FYB1: variants seen among roughly 807,000 people sequenced by gnomAD.
The protein encoded by FYB1 is FYN binding protein 1, also known as FYN-binding protein 1.
Under a neutral mutation model 94.1 loss-of-function variants are expected in FYB1, and 41 were observed. That is an observed-to-expected ratio of 0.44 (90% confidence interval 0.34 to 0.57). The LOEUF is 0.57. Among genes scored for constraint, FYB1 ranks in the 20% least tolerant of loss-of-function variants. The pLI is 0.02. For missense variants in FYB1, 1,050 were observed against 976.8 expected (o/e 1.07, Z -1.00); for synonymous variants, 367 against 353.2 (o/e 1.04, Z -0.44).
chr5:39,273,210 G>T (rs991299912), intron 1 of FYB1, among the ~76,000 whole-genome samples: 2 of 152,248 alleles, frequency 1.3e-5, no homozygotes, highest in African/African-American at 2.4e-5. Context: ...AAGGGGAAAA[G>T]GTGGGGAAAA....
chr5:39,189,045 A>G (rs897044746), intron 2 of FYB1, among the ~76,000 whole-genome samples: 1 of 152,134 alleles, frequency 6.6e-6, no homozygotes, highest in Non-Finnish European at 1.5e-5. Flanking sequence ...TATATGACAC[A>G]TTCACTGTTA....
In FYB1 at chr5:39,258,555, G is replaced by C. The variant is rs539442881; in HGVS notation, c.-28+15848C>G. Among the ~76,000 whole-genome samples the C allele has an allele frequency of 7.9e-4, 120 of 152,222 alleles. 1 individual carries two copies. Among genetic ancestry groups the C allele is most frequent in the African/African-American group, 2.7e-3 (114 of 41,528 alleles). On this transcript the variant is annotated intron_variant, in intron 1 of 1. Coordinates refer to the FYB1 transcript ENST00000510188. ...GCAGAGGTTGCAGTGAGCTGAGATC[G>C]TGCCACTGCATTCCAGCCTGGGTGA...
Position 39,202,612 on chromosome 5 carries a change from G to T in FYB1, c.349C>A (p.Pro117Thr), listed in dbSNP as rs1441705326. 3 of 1,613,858 alleles carry T rather than the reference G, an allele frequency of 1.9e-6. No homozygotes were observed. The highest frequency in any genetic ancestry group is 3.3e-5 in the Admixed American group (2 of 60,008). The change falls in exon 2 of 19, where the codon CCC (proline) becomes ACC (threonine). Residue 117 changes from proline to threonine, a missense_variant. Physicochemically the swap from Pro to Thr is conservative, Grantham distance 38. Coordinates refer to ENST00000512982, the MANE Select transcript of FYB1 (RefSeq NM_001465.6). The part of the protein sequence containing the change: ...VGFLKPVGPK[P>T]INLPKEDSKP... The stretch of plus-strand genomic sequence containing the variant: ...GAATCTTCTTTGGGCAAGTTGATGG[G>T]CTTGGGGCCTACAGGTTTCAGAAAT...
chr5:39,147,488 C>CTG (rs1742775055), intron 3 of FYB1, among the ~76,000 whole-genome samples: 1 of 68,724 alleles, frequency 1.5e-5, no homozygotes, highest in Non-Finnish European at 3.2e-5. Context: ...GTGTGTGTGT[C>CTG]TGTGTGTGTG....
chr5:39,180,055 T>C (rs1746077902), intron 2 of FYB1, among the ~76,000 whole-genome samples: 1 of 152,178 alleles, frequency 6.6e-6, no homozygotes, highest in Non-Finnish European at 1.5e-5. Context: ...CCATGACTCC[T>C]ATTAGAAGGT....
chr5:39,106,535 A>C lies in FYB1; in HGVS notation c.*908T>G, dbSNP rs564062314. 1 of 152,192 alleles carries C rather than the reference A, an allele frequency of 6.6e-6. No homozygotes were observed. Among genetic ancestry groups the C allele is most frequent in the African/African-American group, 2.4e-5 (1 of 41,544 alleles). The allele number at this position is 152,192 out of a possible 1,614,324, so 9.4% of individuals were successfully genotyped here. A position where few individuals can be genotyped will look rare whatever the true frequency, so the allele number is the denominator to read the frequency against. ...CAACTTTCCAGTAAAATGGATTTTA[A>C]AAAAAGAGAAAAAAAAATCTAGCGG... On this transcript the variant is annotated 3_prime_UTR_variant, in exon 19 of 19. Transcript: ENST00000512982.
At chr5:39,206,731 C>G (rs696742) in intron 1 of FYB1, among the ~76,000 whole-genome samples, 116,910 of 152,138 alleles carry the variant, frequency 0.77, 47,117 homozygotes, top group Non-Finnish European at 0.9. Context: ...GTGACCTTCC[C>G]TAGTTCTCTC....
chr5:39,263,785 G>T (rs1376382984), intron 1 of FYB1, among the ~76,000 whole-genome samples: 2 of 152,100 alleles, frequency 1.3e-5, no homozygotes, highest in Non-Finnish European at 2.9e-5. Context: ...GGGAGAACAG[G>T]AACAAAGCCA....
intron 7 of FYB1, among the ~76,000 whole-genome samples, chr5:39,136,122 T>C (rs1741657998): frequency 6.6e-6 from 1 of 152,102 alleles, no homozygotes; most frequent in Non-Finnish European, 1.5e-5. Context: ...CAGGCTAGAG[T>C]GCCGAGGCCC....
intron 1 of FYB1, among the ~76,000 whole-genome samples, chr5:39,234,986 C>A (rs1221651997): frequency 6.6e-6 from 1 of 151,814 alleles, no homozygotes; most frequent in Non-Finnish European, 1.5e-5. Flanking sequence ...CAGCAAACCA[C>A]CATGGCACGT....
intron 2 of FYB1, among the ~76,000 whole-genome samples, chr5:39,171,416 C>G (rs1332311948): frequency 6.6e-6 from 1 of 152,150 alleles, no homozygotes; most frequent in Non-Finnish European, 1.5e-5. Flanking sequence ...GCTACAAATG[C>G]AAGTTCTTAG....
At chr5:39,237,389 G>A (rs1036090985) in intron 1 of FYB1, among the ~76,000 whole-genome samples, 3 of 151,988 alleles carry the variant, frequency 2.0e-5, no homozygotes, top group Non-Finnish European at 4.4e-5. Context: ...GGGCTTCGCA[G>A]TCTGTGGGTC....
intron 3 of FYB1, among the ~76,000 whole-genome samples, chr5:39,141,933 C>T (rs985381522): frequency 2.6e-5 from 4 of 151,866 alleles, no homozygotes; most frequent in African/African-American, 9.7e-5. Context: ...TCTCCAGATG[C>T]TTTTGTCTTG....
chr5:39,231,163 A>AAAAAAC (rs1750725204), intron 1 of FYB1, among the ~76,000 whole-genome samples: 2 of 118,958 alleles, frequency 1.7e-5, no homozygotes, highest in African/African-American at 4.1e-5. Context: ...AAAAAAAAAC[A>AAAAAAC]AAAAAAAACA....
intron 7 of FYB1, among the ~76,000 whole-genome samples, chr5:39,136,808 C>A (rs1192715265): frequency 6.6e-6 from 1 of 152,086 alleles, no homozygotes. Context: ...AAATTTGAAC[C>A]ACATATTAAA....
intron 1 of FYB1, chr5:39,270,641 G>A (rs1322157713): frequency 4.1e-6 from 6 of 1,463,826 alleles, no homozygotes; most frequent in Non-Finnish European, 5.5e-6. Flanking sequence ...GATAGTGAAT[G>A]TGCAAGTTAG....
Position 39,106,623 on chromosome 5 carries a change from A to C in FYB1, c.*820T>G, listed in dbSNP as rs2150246666. 1 of 152,246 alleles carries C rather than the reference A, an allele frequency of 6.6e-6. No individual in the cohort carries two copies. Among genetic ancestry groups the C allele is most frequent in the East Asian group, 1.9e-4 (1 of 5,186 alleles). 9.4% of individuals were successfully genotyped at this position (152,246 alleles called of 1,614,324 possible). A position where few individuals can be genotyped will look rare whatever the true frequency, so the allele number is the denominator to read the frequency against. ...CATTATAAAGAGGTGCCATGCATAA[A>C]AGCCTAGGTAGTTTCAAGGTCCATT... On this transcript the variant is annotated 3_prime_UTR_variant, in exon 19 of 19. Transcript: ENST00000512982.
chr5:39,164,801 G>C (rs901705644), intron 2 of FYB1, among the ~76,000 whole-genome samples: 1 of 152,198 alleles, frequency 6.6e-6, no homozygotes, highest in East Asian at 1.9e-4. Context: ...GAAATTGCCT[G>C]ACCAGTGTGG....
chr5:39,165,369 G>A (rs1024616880), intron 2 of FYB1, among the ~76,000 whole-genome samples: 15 of 152,226 alleles, frequency 9.9e-5, no homozygotes, highest in South Asian at 6.2e-4. Flanking sequence ...TGACAAAGTC[G>A]ACAAAAATGT....
Sources: gnomAD v4.1 joint callset for allele counts (sites outside exome capture counted in the v4.1 genomes callset) on GRCh38, gnomAD v4.1.1 for gene constraint, MANE v1.5 for transcripts, NCBI Gene and HGNC (gene_info 2026-07-23, HGNC 2026-07-21) for gene names.